ZNF324B: variants seen among roughly 807,000 people sequenced by gnomAD.
ZNF324B encodes zinc finger protein 324B.
In ZNF324B, 7 loss-of-function variants were observed where a neutral mutation model predicts 10.6. The ratio of observed to expected loss-of-function variants is 0.66; its 90% confidence interval spans 0.38 to 1.24. The LOEUF (loss-of-function observed/expected upper bound fraction) is 1.24, where lower values mean the gene tolerates loss of function less well. Ranked by LOEUF, ZNF324B falls within the 50% of genes most tolerant of loss-of-function variation. ZNF324B has a pLI of 0.02. For missense variants in ZNF324B, 640 were observed against 764.7 expected (o/e 0.84, Z 1.92); for synonymous variants, 316 against 321.0 (o/e 0.98, Z 0.17).
rs2052926246 is a variant in ZNF324B at position 58,456,623 on chromosome 19, CCCTT to C, written c.*47_*50del. ...AACCCTTTCTTGGCCTTCTGTGAAT[CCCTT>C]CCACAGCTAAAGGGTCCGAGTGCTC... On this transcript the variant is annotated 3_prime_UTR_variant, in exon 4 of 4. Coordinates refer to ENST00000336614, the MANE Select transcript of ZNF324B (RefSeq NM_207395.3). The surrounding 1 kb of genome is among the most constrained non-coding windows in gnomAD (Gnocchi z 4.7). The C allele has an allele frequency of 6.3e-7, 1 of 1,582,842 alleles. No individual in the cohort carries two copies. The highest frequency in any genetic ancestry group is 8.6e-7 in the Non-Finnish European group (1 of 1,162,622).
upstream of ZNF324B, among the ~76,000 whole-genome samples, chr19:58,446,918 C>A: frequency 6.6e-6 from 1 of 150,798 alleles, no homozygotes; most frequent in East Asian, 2.0e-4. Flanking sequence ...TTCTTCTTTC[C>A]TTTCCTTTCC....
upstream of ZNF324B, among the ~76,000 whole-genome samples, chr19:58,447,069 G>A (rs977581181): frequency 3.9e-5 from 6 of 151,916 alleles, no homozygotes; most frequent in South Asian, 4.2e-4. Flanking sequence ...TCTGCCTCCC[G>A]GTTTCAAGCA....
the ZNF324B span, chr19:58,428,758 GC>G: frequency 1.3e-5 from 2 of 152,202 alleles, no homozygotes; most frequent in East Asian, 3.8e-4. Context: ...TTTCTGATGT[GC>G]GTTTAGAACA....
the ZNF324B span, chr19:58,435,750 T>A: frequency 6.4e-6 from 1 of 155,898 alleles, no homozygotes; most frequent in South Asian, 2.0e-4. Context: ...CACACAAAAA[T>A]GTGTACAGGA....
the ZNF324B span, chr19:58,419,315 C>G: frequency 2.2e-3 from 339 of 152,284 alleles, 2 homozygotes; most frequent in African/African-American, 7.9e-3. Context: ...TCTCCAAAAT[C>G]TGGAACATGG....
the ZNF324B span, among the ~76,000 whole-genome samples, chr19:58,424,649 T>C: frequency 7.2e-5 from 11 of 152,180 alleles, no homozygotes; most frequent in African/African-American, 2.4e-4. Flanking sequence ...TGTGATAAAT[T>C]TTTTTGAAAA....
chr19:58,438,677 G>A, the ZNF324B span, among the ~76,000 whole-genome samples: 1 of 151,872 alleles, frequency 6.6e-6, no homozygotes, highest in South Asian at 2.1e-4. Context: ...GTTTCACCGT[G>A]TTAGCCAGGA....
chr19:58,437,496 T>A, the ZNF324B span, among the ~76,000 whole-genome samples: 1 of 152,114 alleles, frequency 6.6e-6, no homozygotes, highest in Non-Finnish European at 1.5e-5. Flanking sequence ...TGCTTCCTCC[T>A]CCCTCCTGCT....
At chr19:58,420,742 C>A in the ZNF324B span, among the ~76,000 whole-genome samples, 1 of 151,530 alleles carries the variant, frequency 6.6e-6, no homozygotes, top group Non-Finnish European at 1.5e-5. Flanking sequence ...TGGAGTCACT[C>A]TGTTGTCCAG....
chr19:58,436,874 C>G, the ZNF324B span: 1 of 904,624 alleles, frequency 1.1e-6, no homozygotes, highest in African/African-American at 1.6e-5. Flanking sequence ...TGAGGCTGCT[C>G]AGAGAGAGAC....
intron 1 of ZNF324B, 44 bp from the exon 2 acceptor site, chr19:58,453,652 C>T (rs1323567262): frequency 1.2e-6 from 2 of 1,613,900 alleles, no homozygotes; most frequent in East Asian, 2.2e-5. Context: ...TGGCTCACAG[C>T]CATACCTTAG....
chr19:58,418,893 A>T, the ZNF324B span: 11 of 152,226 alleles, frequency 7.2e-5, no homozygotes, highest in African/African-American at 2.7e-4. Flanking sequence ...TATAGTTGTG[A>T]GCCACTGTGC....
At chr19:58,427,324 T>TTTCTTTCTTTCC in the ZNF324B span, among the ~76,000 whole-genome samples, 1 of 92,554 alleles carries the variant, frequency 1.1e-5, no homozygotes, top group East Asian at 2.4e-4. Flanking sequence ...TCTTTCTTTC[T>TTTCTTTCTTTCC]TTCTTTCTTT....
At chr19:58,447,482 G>A (rs2052833162), upstream of ZNF324B, among the ~76,000 whole-genome samples, 1 of 152,140 alleles carries the variant, frequency 6.6e-6, no homozygotes, top group South Asian at 2.1e-4. Flanking sequence ...ATTTTTCTAA[G>A]TATTAAGTAA....
the ZNF324B span, chr19:58,444,253 C>G: frequency 6.6e-6 from 1 of 152,504 alleles, no homozygotes; most frequent in Admixed American, 6.5e-5. Context: ...AAGATTCACT[C>G]TTTCCCCTTC....
chr19:58,439,743 G>A, the ZNF324B span: 1 of 1,520,814 alleles, frequency 6.6e-7, no homozygotes. Flanking sequence ...GAGGGCCTGG[G>A]GCACACTCCA....
the ZNF324B span, among the ~76,000 whole-genome samples, chr19:58,436,647 GA>G: frequency 8.0e-6 from 1 of 125,338 alleles, no homozygotes; most frequent in Non-Finnish European, 1.6e-5. Flanking sequence ...CAGCCTGGGG[GA>G]CAGAGCAAGA....
At chr19:58,425,905 C>T in the ZNF324B span, among the ~76,000 whole-genome samples, 1 of 152,232 alleles carries the variant, frequency 6.6e-6, no homozygotes, top group Non-Finnish European at 1.5e-5. Context: ...TTACTCACCT[C>T]TCCCTACCTC....
the ZNF324B span, among the ~76,000 whole-genome samples, chr19:58,432,510 A>G: frequency 3.9e-5 from 6 of 152,120 alleles, no homozygotes; most frequent in South Asian, 2.1e-4. Flanking sequence ...AGAGTCCTCC[A>G]TGGACCCCTC....
Sources: gnomAD v4.1 joint callset for allele counts (sites outside exome capture counted in the v4.1 genomes callset) on GRCh38, gnomAD v4.1.1 for gene constraint, Gnocchi (gnomAD v3.1) non-coding constraint, MANE v1.5 for transcripts, NCBI Gene and HGNC (gene_info 2026-07-23, HGNC 2026-07-21) for gene names.